Variants in BLACAT1 observed in about 807,000 individuals in gnomAD.
The protein encoded by BLACAT1 is BLACAT1 overlapping LEMD1 locus, also known as bladder cancer associated transcript 1.
downstream of BLACAT1, chr1:205,437,106 T>C (rs1402557924): frequency 6.6e-6 from 1 of 152,506 alleles, no homozygotes; most frequent in Non-Finnish European, 1.5e-5. Flanking sequence ...GCAAAATGCA[T>C]ATTCAGTCTG....
chr1:205,452,582 G>A (rs1271919320), intron 1 of BLACAT1, among the ~76,000 whole-genome samples: 1 of 152,178 alleles, frequency 6.6e-6, no homozygotes, highest in Non-Finnish European at 1.5e-5. Flanking sequence ...AATGTAGAAG[G>A]GATCCTTGCA....
chr1:205,453,137 T>G (rs952432212), intron 1 of BLACAT1, among the ~76,000 whole-genome samples: 2 of 152,158 alleles, frequency 1.3e-5, no homozygotes, highest in African/African-American at 4.8e-5. Context: ...CTGATTCTGC[T>G]ATCTGCCCCA....
chr1:205,451,928 T>C (rs1553401277), intron 1 of BLACAT1, among the ~76,000 whole-genome samples: 1 of 151,714 alleles, frequency 6.6e-6, no homozygotes, highest in Non-Finnish European at 1.5e-5. Flanking sequence ...AGGAGAAGCC[T>C]GAGAGAGAGA....
At chr1:205,449,531 A>C (rs1013030772) in intron 1 of BLACAT1, among the ~76,000 whole-genome samples, 1 of 152,106 alleles carries the variant, frequency 6.6e-6, no homozygotes, top group Non-Finnish European at 1.5e-5. Context: ...TGGTAGAAGC[A>C]ACCTGTTTTC....
chr1:205,442,760 T>C (rs933170339), intron 1 of BLACAT1, among the ~76,000 whole-genome samples: 6 of 152,184 alleles, frequency 3.9e-5, no homozygotes, highest in Non-Finnish European at 7.3e-5. Flanking sequence ...ACCTCCAGGA[T>C]ATATATAGAG....
At chr1:205,453,665 C>A (rs998349084) in intron 1 of BLACAT1, among the ~76,000 whole-genome samples, 1 of 152,064 alleles carries the variant, frequency 6.6e-6, no homozygotes, top group African/African-American at 2.4e-5. Flanking sequence ...AGAGCAAACA[C>A]GGGCAGAAGC....
chr1:205,446,817 C>T (rs1262872982), intron 1 of BLACAT1, among the ~76,000 whole-genome samples: 1 of 152,194 alleles, frequency 6.6e-6, no homozygotes, highest in Non-Finnish European at 1.5e-5. Context: ...ATTCTCATGC[C>T]TTGTTCCTTT....
chr1:205,443,910 G>A (rs78650663), intron 1 of BLACAT1, among the ~76,000 whole-genome samples: 4,190 of 152,246 alleles, frequency 0.028, 106 homozygotes, highest in East Asian at 0.072. Flanking sequence ...CCTCTGCCAG[G>A]CTGTGGTCTC....
chr1:205,450,273 G>GTA lies in BLACAT1; in HGVS notation c.-37+5642_-37+5643dup, dbSNP rs1666476677. Among the ~76,000 whole-genome samples, 2 of 151,986 alleles carry GTA rather than the reference G, an allele frequency of 1.3e-5. No individual in the cohort carries two copies. Among genetic ancestry groups the GTA allele is most frequent in the African/African-American group, 2.4e-5 (1 of 41,358 alleles). ...ATCTCACTCCCTCTGAACCAGCCAT[G>GTA]TATTACTCACGTCCCCCTGCCGGGC... On this transcript the variant is annotated intron_variant, in intron 1 of 1. Transcript: ENST00000629624. The surrounding 1 kb of genome is among the most constrained non-coding windows in gnomAD (Gnocchi z 4.4).
chr1:205,436,444 T>A (rs1236388037), downstream of BLACAT1: 1 of 152,088 alleles, frequency 6.6e-6, no homozygotes, highest in Non-Finnish European at 1.5e-5. Context: ...CCATGGAAAT[T>A]TAGAGAAGCG....
intron 1 of BLACAT1, among the ~76,000 whole-genome samples, chr1:205,443,372 T>C (rs1201404510): frequency 7.1e-6 from 1 of 140,116 alleles, no homozygotes; most frequent in East Asian, 2.2e-4. Context: ...CCCCCTTAAA[T>C]GACCCGTTCC....
intron 1 of BLACAT1, chr1:205,449,832 C>A (rs1575013335): frequency 6.5e-6 from 1 of 152,674 alleles, no homozygotes; most frequent in Admixed American, 6.5e-5. Context: ...CCAAGGGATG[C>A]TGGGCCAGGG....
chr1:205,452,608 G>C (rs1221531137), intron 1 of BLACAT1, among the ~76,000 whole-genome samples: 2 of 152,206 alleles, frequency 1.3e-5, no homozygotes, highest in African/African-American at 2.4e-5. Context: ...AATTAAGTTA[G>C]ACAGATAAAA....
intron 1 of BLACAT1, among the ~76,000 whole-genome samples, chr1:205,446,105 C>A (rs1007189606): frequency 6.6e-6 from 1 of 152,214 alleles, no homozygotes; most frequent in African/African-American, 2.4e-5. Context: ...ACACACACAG[C>A]CCTCTGATCT....
At position 205,441,300 on chromosome 1, in the gene BLACAT1, CAG is replaced by C. The variant is rs1666291341; in HGVS notation, c.-36-240_-36-239del. ...CTGATGTCATTCCTCACATTGGAGA[CAG>C]GGTGAGTCCAAGGGAGGAAAGAGAA... On this transcript the variant is annotated intron_variant, in intron 1 of 1. Transcript: ENST00000629624. The surrounding 1 kb of genome is among the most constrained non-coding windows in gnomAD (Gnocchi z 4.3). Among the ~76,000 whole-genome samples, 1 of 152,154 alleles carries C rather than the reference CAG, an allele frequency of 6.6e-6. No individual in the cohort carries two copies.
intron 1 of BLACAT1, among the ~76,000 whole-genome samples, chr1:205,442,374 G>C (rs1575008935): frequency 6.6e-6 from 1 of 152,372 alleles, no homozygotes; most frequent in East Asian, 1.9e-4. Flanking sequence ...CATGTGCAAA[G>C]TGGTTTCACT....
chr1:205,455,781 T>C (rs1289508616), intron 1 of BLACAT1, 136 bp downstream of exon 1: 6 of 152,018 alleles, frequency 3.9e-5, no homozygotes, highest in Non-Finnish European at 7.4e-5. Context: ...CGCCCATGCC[T>C]TAGGGACCCC....
In BLACAT1 at chr1:205,453,933, T is replaced by C. The variant is rs77689630; in HGVS notation, c.-37+1984A>G. Among the ~76,000 whole-genome samples, 61 of 152,336 alleles carry C rather than the reference T, an allele frequency of 4.0e-4. 3 individuals carry two copies. The East Asian group carries it at 0.012, about 29-fold the overall frequency. ...ATGAATATCGAAATGTCTCAGTGTC[T>C]GCCCAAGCACTATTCCTGCCCCCAC... is the stretch of plus-strand genomic sequence containing the variant. On this transcript the variant is annotated intron_variant, in intron 1 of 1. Transcript: ENST00000629624.
At chr1:205,445,652 C>T (rs1187690474) in intron 1 of BLACAT1, among the ~76,000 whole-genome samples, 1 of 152,190 alleles carries the variant, frequency 6.6e-6, no homozygotes, top group Non-Finnish European at 1.5e-5. Context: ...TTCTTGGGAG[C>T]TGGAGAGGTC....
Sources: allele counts gnomAD v4.1 joint callset (sites outside exome capture counted in the v4.1 genomes callset), GRCh38; gene constraint gnomAD v4.1.1; non-coding constraint Gnocchi (gnomAD v3.1); transcripts MANE v1.5; gene names NCBI Gene and HGNC (gene_info 2026-07-23, HGNC 2026-07-21).